FAM50B: variants seen among roughly 807,000 people sequenced by gnomAD.
FAM50B encodes the protein protein FAM50B.
In FAM50B, 9 loss-of-function variants were observed where a neutral mutation model predicts 25.4. That is an observed-to-expected ratio of 0.35 (90% CI 0.21 to 0.62). The LOEUF is 0.62. Ranked by LOEUF, FAM50B falls within the 20% of genes least tolerant of loss-of-function variation. The pLI is 0.73. For synonymous variants in FAM50B, 212 were observed against 204.3 expected (o/e 1.04, Z -0.32); for missense variants, 372 against 477.9 (o/e 0.78, Z 2.07).
the FAM50B span, among the ~76,000 whole-genome samples, chr6:3,841,904 T>C: frequency 6.6e-6 from 1 of 152,216 alleles, no homozygotes; most frequent in African/African-American, 2.4e-5. Flanking sequence ...CTTGGCCTGC[T>C]GGCCTCTGTG....
At chr6:3,844,596 A>T (rs959080295), upstream of FAM50B, among the ~76,000 whole-genome samples, 2 of 152,118 alleles carry the variant, frequency 1.3e-5, no homozygotes, top group African/African-American at 4.8e-5. Flanking sequence ...CTGTAATCCC[A>T]ACTACTCGGG....
the FAM50B span, among the ~76,000 whole-genome samples, chr6:3,842,634 C>T: frequency 1.3e-5 from 2 of 152,178 alleles, no homozygotes; most frequent in Non-Finnish European, 2.9e-5. Flanking sequence ...AAAGATGTTC[C>T]ACCCTTTGAA....
At chr6:3,838,973 A>G in the FAM50B span, among the ~76,000 whole-genome samples, 134 of 152,138 alleles carry the variant, frequency 8.8e-4, no homozygotes, top group Non-Finnish European at 1.7e-3. Flanking sequence ...TAAAATGTAC[A>G]TATTGTATGA....
chr6:3,835,275 C>T, the FAM50B span, among the ~76,000 whole-genome samples: 4 of 152,196 alleles, frequency 2.6e-5, no homozygotes, highest in South Asian at 2.1e-4. Flanking sequence ...GCATTTCTAG[C>T]GTTCACTGTC....
chr6:3,842,468 T>G, the FAM50B span, among the ~76,000 whole-genome samples: 1 of 152,202 alleles, frequency 6.6e-6, no homozygotes, highest in Admixed American at 6.5e-5. Flanking sequence ...ACATGTGCTA[T>G]TCTAGGCAGG....
chr6:3,843,104 C>G, the FAM50B span, among the ~76,000 whole-genome samples: 12 of 152,186 alleles, frequency 7.9e-5, no homozygotes, highest in Admixed American at 7.9e-4. Flanking sequence ...TAGAAATTGA[C>G]AGCATCCATA....
At chr6:3,834,588 T>C in the FAM50B span, among the ~76,000 whole-genome samples, 1 of 152,168 alleles carries the variant, frequency 6.6e-6, no homozygotes, top group South Asian at 2.1e-4. Flanking sequence ...AGTCAAGGGC[T>C]ATCAGGTTTA....
rs371366147 is a variant in FAM50B, at chr6:3,850,194, A to G, written c.383A>G (p.Asp128Gly). 2 of 1,613,292 alleles carry G rather than the reference A, an allele frequency of 1.2e-6. No individual in the cohort carries two copies. The highest frequency in any genetic ancestry group is 1.7e-6 in the Non-Finnish European group (2 of 1,179,862). ...CTGTCCTTTGCACTAGACGACCTCGATGACCAGGCCGACGCGGCCGAGGCC... is the reference window on the plus strand; with the variant it reads ...CTGTCCTTTGCACTAGACGACCTCGGTGACCAGGCCGACGCGGCCGAGGCC... ...SCLSFALDDL[D>G]DQADAAEARR... Residue 128 changes from aspartate (D) to glycine (G), a missense_variant, in exon 2 of 2, where the codon GAT becomes GGT. By Grantham distance (94) the Asp-to-Gly change is moderately conservative. This residue lies in a region of FAM50B where 224 missense variants were observed against 232.2 expected (regional missense o/e 0.96). Coordinates refer to ENST00000648326, the MANE Select transcript of FAM50B (RefSeq NM_012135.3).
upstream of FAM50B, among the ~76,000 whole-genome samples, chr6:3,844,491 A>C (rs565724021): frequency 6.6e-6 from 1 of 152,326 alleles, no homozygotes; most frequent in South Asian, 2.1e-4. Context: ...AGGGCAGATC[A>C]CCTGAGGTCA....
upstream of FAM50B, among the ~76,000 whole-genome samples, chr6:3,847,239 T>G (rs1053164486): frequency 9.9e-5 from 15 of 152,254 alleles, no homozygotes; most frequent in African/African-American, 3.6e-4. Context: ...CCTCTCTAGA[T>G]ATAAAAGTCC....
rs80012120 is a variant in FAM50B, at chr6:3,850,496, T to G, written c.685T>G (p.Ser229Ala). 928 of 1,613,604 alleles carry G rather than the reference T, an allele frequency of 5.8e-4. 10 individuals carry two copies. In the African/African-American group the frequency reaches 0.011, roughly 19 times the overall value. Residue 229 changes from serine to alanine, a missense_variant, in exon 2 of 2, where the codon TCC (serine) becomes GCC (alanine). Ser to Ala is a moderately conservative substitution (Grantham distance 99, BLOSUM62 1). Around this residue, in one of 4 missense-constraint regions of FAM50B, gnomAD observed 224 missense variants for 232.2 expected, o/e 0.96. Coordinates refer to ENST00000648326, the MANE Select transcript of FAM50B (RefSeq NM_012135.3). ...GLRKDFLELR[S>A]AGVEQLMFIK... Reference sequence around the variant, plus strand: ...GCGCAAGGACTTCCTGGAGCTGCGCTCCGCCGGCGTGGAGCAGCTCATGTT... The same window carrying G: ...GCGCAAGGACTTCCTGGAGCTGCGCGCCGCCGGCGTGGAGCAGCTCATGTT...
chr6:3,847,087 G>C (rs1486473145), upstream of FAM50B, among the ~76,000 whole-genome samples: 1 of 152,216 alleles, frequency 6.6e-6, no homozygotes, highest in African/African-American at 2.4e-5. Flanking sequence ...AGGCACAGTA[G>C]ATTTAGCATA....
At chr6:3,840,174 T>TACAA in the FAM50B span, among the ~76,000 whole-genome samples, 2 of 152,048 alleles carry the variant, frequency 1.3e-5, no homozygotes. Context: ...TTGTATTTTT[T>TACAA]AGTAGAGACG....
chr6:3,833,294 G>A, the FAM50B span, among the ~76,000 whole-genome samples: 10 of 152,274 alleles, frequency 6.6e-5, no homozygotes, highest in East Asian at 1.7e-3. Flanking sequence ...ATCTAGATTT[G>A]AGCCTCGCTA....
chr6:3,836,393 A>G, the FAM50B span, among the ~76,000 whole-genome samples: 1 of 152,224 alleles, frequency 6.6e-6, no homozygotes, highest in Non-Finnish European at 1.5e-5. Context: ...TGCATGGACG[A>G]TCTCAAGGAT....
At chr6:3,845,420 A>G (rs140379910), upstream of FAM50B, among the ~76,000 whole-genome samples, 6 of 152,310 alleles carry the variant, frequency 3.9e-5, no homozygotes, top group African/African-American at 1.4e-4. Flanking sequence ...AGAAAGAGTG[A>G]ATATAGTATT....
the FAM50B span, among the ~76,000 whole-genome samples, chr6:3,836,065 G>A: frequency 6.6e-6 from 1 of 151,664 alleles, no homozygotes; most frequent in South Asian, 2.1e-4. Context: ...TGTGATATTT[G>A]TTCGTTCATC....
chr6:3,849,024 G>A (rs113139286), upstream of FAM50B, among the ~76,000 whole-genome samples: 1 of 152,222 alleles, frequency 6.6e-6, no homozygotes, highest in African/African-American at 2.4e-5. Flanking sequence ...TCTCTGGGTG[G>A]CCACAGCAGC....
chr6:3,850,372 C>T lies in FAM50B; in HGVS notation c.561C>T (p.Val187=). ...REKVKDEEME[V]TFSYWDGSGH... ...AAGTGAAGGACGAGGAGATGGAGGT[C>T]ACCTTCAGCTACTGGGACGGCTCGG... Residue 187 remains valine, a synonymous_variant, in exon 2 of 2, where the codon GTC becomes GTT. Coordinates refer to ENST00000648326, the MANE Select transcript of FAM50B (RefSeq NM_012135.3). 4 of 1,613,472 alleles carry T rather than the reference C, an allele frequency of 2.5e-6. No individual in the cohort carries two copies. Among genetic ancestry groups the T allele is most frequent in the East Asian group, 2.2e-5 (1 of 44,846 alleles).
Sources: allele counts gnomAD v4.1 joint callset (sites outside exome capture counted in the v4.1 genomes callset), GRCh38; gene constraint gnomAD v4.1.1; regional missense constraint gnomAD v4.1.1; transcripts MANE v1.5; gene names NCBI Gene and HGNC (gene_info 2026-07-23, HGNC 2026-07-21).